The following KIAA1217 variants were observed in gnomAD, a reference collection of about 807,000 sequenced individuals.
KIAA1217 encodes the protein KIAA1217.
In KIAA1217, 88 loss-of-function variants were observed where a neutral mutation model predicts 163.9. The ratio of observed to expected loss-of-function variants is 0.54; its 90% CI spans 0.45 to 0.64. KIAA1217 has a LOEUF of 0.64. Among genes scored for constraint, KIAA1217 ranks in the 30% least tolerant of loss-of-function variants. The pLI is 0.00. For synonymous variants in KIAA1217, 903 were observed against 923.1 expected (o/e 0.98, Z 0.39); for missense variants, 2,372 against 2,475.0 (o/e 0.96, Z 0.88).
chr10:24,515,902 T>A (rs1242379967), intron 10 of KIAA1217, among the ~76,000 whole-genome samples: 1 of 152,102 alleles, frequency 6.6e-6, no homozygotes, highest in Non-Finnish European at 1.5e-5. Context: ...CAGGACCCTG[T>A]CTCTACTAAA....
intron 1 of KIAA1217, among the ~76,000 whole-genome samples, chr10:23,895,155 C>T (rs1199414166): frequency 6.6e-6 from 1 of 152,034 alleles, no homozygotes. Flanking sequence ...TCTCATTAAA[C>T]TAAAGAGCTT....
At chr10:24,495,504 G>A (rs984085505) in intron 8 of KIAA1217, among the ~76,000 whole-genome samples, 12 of 152,316 alleles carry the variant, frequency 7.9e-5, no homozygotes, top group Admixed American at 1.3e-4. Context: ...AGATGGAAAT[G>A]GGACAAGTAA....
At chr10:23,990,907 T>A (rs1442826465) in intron 1 of KIAA1217, among the ~76,000 whole-genome samples, 3 of 152,126 alleles carry the variant, frequency 2.0e-5, no homozygotes, top group South Asian at 2.1e-4. Flanking sequence ...AGAAAGAACG[T>A]TGGAGAACAA....
intron 2 of KIAA1217, among the ~76,000 whole-genome samples, chr10:24,301,250 A>G (rs1564431716): frequency 6.6e-6 from 1 of 152,118 alleles, no homozygotes; most frequent in Non-Finnish European, 1.5e-5. Context: ...CCAGGTCATT[A>G]TTTTTGTATC....
intron 5 of KIAA1217, among the ~76,000 whole-genome samples, chr10:24,450,520 A>G (rs1347441662): frequency 6.6e-6 from 1 of 152,226 alleles, no homozygotes; most frequent in Non-Finnish European, 1.5e-5. Context: ...CCTTTAAAGG[A>G]ATTTAATAAG....
At chr10:23,811,710 G>C (rs1022870359) in intron 1 of KIAA1217, among the ~76,000 whole-genome samples, 1 of 151,960 alleles carries the variant, frequency 6.6e-6, no homozygotes, top group East Asian at 1.9e-4. Context: ...TGGGAGACTG[G>C]AACATGAATG....
intron 1 of KIAA1217, among the ~76,000 whole-genome samples, chr10:23,721,626 T>G (rs1564365759): frequency 6.6e-6 from 1 of 151,970 alleles, no homozygotes; most frequent in Non-Finnish European, 1.5e-5. Context: ...TTAAAGATAG[T>G]CTCTGAGTAT....
At chr10:24,326,596 C>T (rs2044936688) in intron 2 of KIAA1217, among the ~76,000 whole-genome samples, 1 of 152,062 alleles carries the variant, frequency 6.6e-6, no homozygotes, top group Non-Finnish European at 1.5e-5. Flanking sequence ...GTGAATACTG[C>T]TGTTATTAAA....
intron 2 of KIAA1217, among the ~76,000 whole-genome samples, chr10:24,235,089 G>A (rs1016157797): frequency 5.9e-5 from 9 of 152,078 alleles, no homozygotes; most frequent in Admixed American, 5.2e-4. Flanking sequence ...TTTCTTTGGG[G>A]GACCTCAGTC....
intron 1 of KIAA1217, among the ~76,000 whole-genome samples, chr10:23,780,733 T>A (rs1227702825): frequency 6.6e-6 from 1 of 152,134 alleles, no homozygotes; most frequent in African/African-American, 2.4e-5. Flanking sequence ...CAGGCTGGAG[T>A]GCAGTGGTGC....
At chr10:23,863,581 C>G (rs531742562) in intron 1 of KIAA1217, among the ~76,000 whole-genome samples, 1 of 152,186 alleles carries the variant, frequency 6.6e-6, no homozygotes, top group Non-Finnish European at 1.5e-5. Context: ...TCACCAGTCA[C>G]CAGGTGCTGA....
intron 16 of KIAA1217, among the ~76,000 whole-genome samples, chr10:24,534,490 C>T (rs2135159863): frequency 6.6e-6 from 1 of 152,282 alleles, no homozygotes; most frequent in South Asian, 2.1e-4. Context: ...CTGAGGGACA[C>T]TCTTCTCCAT....
intron 1 of KIAA1217, among the ~76,000 whole-genome samples, chr10:23,837,491 T>G (rs1449296639): frequency 6.6e-6 from 1 of 152,194 alleles, no homozygotes; most frequent in African/African-American, 2.4e-5. Context: ...CACTCAGAAC[T>G]GTTTCACTAT....
intron 2 of KIAA1217, among the ~76,000 whole-genome samples, chr10:24,309,694 C>T (rs1460863567): frequency 1.3e-5 from 2 of 152,136 alleles, no homozygotes; most frequent in African/African-American, 2.4e-5. Flanking sequence ...ATTAAGTAAC[C>T]TCTGGTTCCC....
intron 9 of KIAA1217, among the ~76,000 whole-genome samples, chr10:24,503,312 T>C (rs2067913754): frequency 6.6e-6 from 1 of 152,222 alleles, no homozygotes; most frequent in African/African-American, 2.4e-5. Flanking sequence ...CCCAGATACC[T>C]TGAACATCTG....
At chr10:23,832,106 C>T (rs1323506207) in intron 1 of KIAA1217, among the ~76,000 whole-genome samples, 2 of 152,052 alleles carry the variant, frequency 1.3e-5, no homozygotes, top group East Asian at 3.9e-4. Context: ...CCCAGTCCCA[C>T]AAGACTTCTC....
chr10:24,524,997 AGACACCTGGCCTGTAGGAAGG>A (rs1327957217), intron 13 of KIAA1217, among the ~76,000 whole-genome samples: 4 of 152,118 alleles, frequency 2.6e-5, no homozygotes, highest in African/African-American at 9.7e-5. Context: ...TAGGAAGGTG[AGACACCTGGCCTGTAGGAAGG>A]TGAGACAGCA....
At chr10:23,893,165 C>A (rs542846550) in intron 1 of KIAA1217, among the ~76,000 whole-genome samples, 1 of 152,176 alleles carries the variant, frequency 6.6e-6, no homozygotes, top group Non-Finnish European at 1.5e-5. Flanking sequence ...GTCACAATTT[C>A]AGAGCCTGTT....
rs531995177 is a variant in KIAA1217, at chr10:23,774,044, G to C, written c.-321+78810G>C. ...GGCATCCCTGTCTTGTGCCAGTTTT[G>C]AAAGGGAATGCTTCCAGTTTTTGCC... is the stretch of plus-strand genomic sequence containing the variant. On this transcript the variant is annotated intron_variant, in intron 1 of 18. Coordinates refer to the KIAA1217 transcript ENST00000376462. 3.0e-3 allele frequency among the ~76,000 whole-genome samples: 458 copies of C among 152,260 alleles called. 3 individuals carry two copies. The highest frequency in any genetic ancestry group is 0.011 in the African/African-American group (439 of 41,540).
Sources: gnomAD v4.1 joint callset for allele counts (sites outside exome capture counted in the v4.1 genomes callset) on GRCh38, gnomAD v4.1.1 for gene constraint, MANE v1.5 for transcripts, NCBI Gene and HGNC (gene_info 2026-07-23, HGNC 2026-07-21) for gene names.